Variants in EIF4G1 observed in about 807,000 individuals in gnomAD.
The protein encoded by EIF4G1 is eukaryotic translation initiation factor 4 gamma 1.
In EIF4G1, 4 loss-of-function variants were observed where a neutral mutation model predicts 187.8. The ratio of observed to expected loss-of-function variants is 0.02; its 90% CI spans 0.01 to 0.05. The LOEUF (loss-of-function observed/expected upper bound fraction) is 0.05. Among genes scored for constraint, EIF4G1 ranks in the 10% least tolerant of loss-of-function variants. The pLI, the probability that EIF4G1 is intolerant of heterozygous loss-of-function variation, is 1.00. For missense variants in EIF4G1, 1,647 were observed against 2,081.1 expected (o/e 0.79, Z 4.06); for synonymous variants, 844 against 781.4 (o/e 1.08, Z -1.34).
At chr3:184,316,798 G>A (rs1448467835) in intron 4 of EIF4G1, 1 of 1,528,196 alleles carries the variant, frequency 6.5e-7, no homozygotes, top group Non-Finnish European at 8.9e-7. Flanking sequence ...CCCTAGTCAG[G>A]GGCTAGACAC....
Position 184,321,509 on chromosome 3 carries a change from G to C in EIF4G1, c.925G>C (p.Glu309Gln). The change falls in exon 10 of 33, where the codon GAG becomes CAG. Residue 309 changes from glutamate (E) to glutamine (Q), a missense_variant. Glu to Gln is a conservative substitution (Grantham distance 29, BLOSUM62 2). This residue lies in a region of EIF4G1 where 522 missense variants were observed against 485.2 expected (regional missense o/e 1.08). Coordinates refer to ENST00000346169, the MANE Select transcript of EIF4G1 (RefSeq NM_198241.3). ...AACCCCCATCTCCCGTGAAACTGGG[G>C]AGCCATATCGCCTCTCTCCAGAACC... Reference protein sequence around the residue: ...ESTPISRETGEPYRLSPEPTP... With the variant: ...ESTPISRETGQPYRLSPEPTP... The C allele has an allele frequency of 6.2e-7, 1 of 1,614,138 alleles. No homozygotes were observed. Among genetic ancestry groups the C allele is most frequent in the South Asian group, 1.1e-5 (1 of 91,080 alleles).
At position 184,323,292 on chromosome 3, in the gene EIF4G1, A is replaced by AT; in HGVS notation, c.2088+53dup. On this transcript the variant is annotated intron_variant, in intron 14 of 32. Transcript: ENST00000346169. The surrounding 1 kb of genome is among the most constrained non-coding windows in gnomAD (Gnocchi z 6.9). ...GGTGGGCAAGGAGTGGGAGTGGATG[A>AT]TTCCGTGTCTCAGTGCCCGCGGGGA... 3.1e-6 allele frequency: 5 copies of AT among 1,612,754 alleles called. No individual in the cohort carries two copies. The highest frequency in any genetic ancestry group is 3.4e-6 in the Non-Finnish European group (4 of 1,178,948).
chr3:184,322,535 T>C lies in EIF4G1; in HGVS notation c.1609-9T>C. 6.2e-7 allele frequency: 1 copy of C among 1,614,080 alleles called. No homozygotes were observed. Among genetic ancestry groups the C allele is most frequent in the African/African-American group, 1.3e-5 (1 of 75,030 alleles). On this transcript the variant is annotated splice_polypyrimidine_tract_variant and intron_variant, in intron 11 of 32. Transcript: ENST00000346169. ...TCTGCAACCAAAACTGGATGTTCTG[T>C]TGTTCTAGGCGAACCCGGCAGTACC... is the stretch of plus-strand genomic sequence containing the variant.
chr3:184,320,791 G>C, intron 8 of EIF4G1, 69 bp downstream of exon 8: 1 of 1,611,448 alleles, frequency 6.2e-7, no homozygotes, highest in Admixed American at 1.7e-5. Flanking sequence ...CAAGTCCCTG[G>C]ATCTTTTCTT....
In EIF4G1 at chr3:184,331,159, G is replaced by GT. The variant is rs141397726; in HGVS notation, c.4162-106dup. The GT allele has an allele frequency of 1.2e-3, 1,435 of 1,199,444 alleles. 12 individuals are homozygous for GT. In the African/African-American group the frequency reaches 0.018, roughly 15 times the overall value. The allele number at this position is 1,199,444 out of a possible 1,614,324, so 74.3% of individuals were successfully genotyped here. ...CTATAGCATCCTTAATGCCTAGCAA[G>GT]TACCTAGTAGGCTTTCAGTAAATAT... On this transcript the variant is annotated intron_variant, in intron 28 of 32. Coordinates refer to ENST00000346169, the MANE Select transcript of EIF4G1 (RefSeq NM_198241.3).
At chr3:184,316,921 G>C (rs1195144474) in intron 4 of EIF4G1, among the ~76,000 whole-genome samples, 1 of 152,196 alleles carries the variant, frequency 6.6e-6, no homozygotes, top group Non-Finnish European at 1.5e-5. Context: ...TGGGGACTGG[G>C]ATGCTGTTGC....
Position 184,321,916 on chromosome 3 carries a change from G to T in EIF4G1, c.1332G>T (p.Thr444=), listed in dbSNP as rs1450714798. The T allele has an allele frequency of 1.2e-6, 2 of 1,614,064 alleles. No homozygotes were observed. Among genetic ancestry groups the T allele is most frequent in the Non-Finnish European group, 1.7e-6 (2 of 1,180,048 alleles). ...CCATCCCCTCTGCTACTCCAGCTACGGCTCCTTCAGCTACTTCCCCAGCTC... is the reference window on the plus strand; with the variant it reads ...CCATCCCCTCTGCTACTCCAGCTACTGCTCCTTCAGCTACTTCCCCAGCTC... ...PPTIPSATPA[T]APSATSPAQE... The change falls in exon 10 of 33, where the codon ACG becomes ACT. Residue 444 remains threonine, a synonymous_variant. Transcript: ENST00000346169.
chr3:184,330,601 G>A (rs1034882759), intron 28 of EIF4G1, among the ~76,000 whole-genome samples: 5 of 152,104 alleles, frequency 3.3e-5, no homozygotes, highest in Non-Finnish European at 7.3e-5. Context: ...TAGGGATGGG[G>A]TATATTTGTG....
At chr3:184,320,099 G>T (rs970690824) in intron 7 of EIF4G1, among the ~76,000 whole-genome samples, 2 of 152,060 alleles carry the variant, frequency 1.3e-5, no homozygotes, top group Non-Finnish European at 2.9e-5. Flanking sequence ...GAAATGGTTT[G>T]TTTTCTGTGG....
intron 32 of EIF4G1, among the ~76,000 whole-genome samples, chr3:184,332,839 G>C (rs1334547494): frequency 1.3e-5 from 2 of 152,250 alleles, no homozygotes; most frequent in Non-Finnish European, 1.5e-5. Context: ...AGTGAGGCAA[G>C]ATGGGGCCGA....
At chr3:184,315,004 C>T (rs999574957) in intron 1 of EIF4G1, among the ~76,000 whole-genome samples, 15 of 151,836 alleles carry the variant, frequency 9.9e-5, no homozygotes, top group Non-Finnish European at 1.0e-4. Context: ...ACCACGGCTC[C>T]CGGCCCGCCG....
intron 32 of EIF4G1, among the ~76,000 whole-genome samples, chr3:184,332,605 C>T (rs1726329418): frequency 6.6e-6 from 1 of 151,584 alleles, no homozygotes; most frequent in Non-Finnish European, 1.5e-5. Context: ...TTAGTACTGG[C>T]GTGAGCAATG....
At position 184,324,014 on chromosome 3, in the gene EIF4G1, T is replaced by G. The variant is rs776370879; in HGVS notation, c.2472+37T>G. On this transcript the variant is annotated intron_variant, in intron 16 of 32. Transcript: ENST00000346169. ...GTGGGTTCTAAATCTAATGGTCTGG[T>G]TGCCCATTCCTATTCCCAAGACTCC... 3 of 1,612,110 alleles carry G rather than the reference T, an allele frequency of 1.9e-6. No homozygotes were observed. In the South Asian group the frequency reaches 3.3e-5, roughly 18 times the overall value.
At chr3:184,316,922 A>G (rs925252518) in intron 4 of EIF4G1, among the ~76,000 whole-genome samples, 1 of 152,088 alleles carries the variant, frequency 6.6e-6, no homozygotes, top group Non-Finnish European at 1.5e-5. Flanking sequence ...GGGGACTGGG[A>G]TGCTGTTGCA....
At position 184,321,757 on chromosome 3, in the gene EIF4G1, T is replaced by C. The variant is rs1317154883; in HGVS notation, c.1173T>C (p.Pro391=). ...APPPACPSES[P]VPIAPTAQPE... is the part of the protein sequence containing the mutation. ...CCCCAGCTTGCCCCTCCGAATCCCC[T>C]GTGCCCATTGCTCCAACTGCCCAAC... The change falls in exon 10 of 33, where the codon CCT becomes CCC. Residue 391 remains proline (P), a synonymous_variant. Transcript: ENST00000346169. The C allele has an allele frequency of 1.2e-6, 2 of 1,607,182 alleles. No individual in the cohort carries two copies. The highest frequency in any genetic ancestry group is 8.5e-7 in the Non-Finnish European group (1 of 1,174,980).
Position 184,315,779 on chromosome 3 carries a change from G to A in EIF4G1, c.-18G>A. 1 of 1,551,682 alleles carries A rather than the reference G, an allele frequency of 6.4e-7. No homozygotes were observed. ...TCCCAACAGGTGCTGGGGGGACCCT[G>A]ATGTGGCACCAAATGAAATGAACAA... On this transcript the variant is annotated 5_prime_UTR_variant, in exon 3 of 33. Transcript: ENST00000346169.
Position 184,323,609 on chromosome 3 carries a change from G to A in EIF4G1, c.2274+16G>A, listed in dbSNP as rs759163846. On this transcript the variant is annotated intron_variant, in intron 15 of 32. Coordinates refer to ENST00000346169, the MANE Select transcript of EIF4G1 (RefSeq NM_198241.3). The surrounding 1 kb of genome is among the most constrained non-coding windows in gnomAD (Gnocchi z 6.9). ...CAAAACCCAGGTACTGGCAAGTCCTGCTTTTGGTCTCTCTCCATTTCTTCT... is the reference window on the plus strand; with the variant it reads ...CAAAACCCAGGTACTGGCAAGTCCTACTTTTGGTCTCTCTCCATTTCTTCT... 5.6e-6 allele frequency: 9 copies of A among 1,613,820 alleles called. No individual in the cohort carries two copies. The South Asian group carries it at 9.9e-5, about 18-fold the overall frequency.
At chr3:184,320,586 G>T (rs778204962) in intron 7 of EIF4G1, 44 bp from the exon 8 acceptor site, 6 of 1,613,734 alleles carry the variant, frequency 3.7e-6, no homozygotes, top group Non-Finnish European at 5.1e-6. Context: ...TGGAGAGGTG[G>T]GCTCTTCCTG....
At chr3:184,319,426 G>GGTGTGT (rs1168140244) in intron 6 of EIF4G1, among the ~76,000 whole-genome samples, 339 of 112,948 alleles carry the variant, frequency 3.0e-3, no homozygotes, top group East Asian at 5.8e-3. Flanking sequence ...GCCTACGAGG[G>GGTGTGT]GTGTGTGTGT....
Sources: gnomAD v4.1 joint callset for allele counts (sites outside exome capture counted in the v4.1 genomes callset) on GRCh38, gnomAD v4.1.1 for gene constraint, gnomAD v4.1.1 regional missense constraint, Gnocchi (gnomAD v3.1) non-coding constraint, MANE v1.5 for transcripts, NCBI Gene and HGNC (gene_info 2026-07-23, HGNC 2026-07-21) for gene names.